The following ARAP1 variants were observed in gnomAD, a reference collection of about 807,000 sequenced individuals.
ARAP1 encodes ArfGAP with RhoGAP domain, ankyrin repeat and PH domain 1.
A neutral mutation model predicts 172.2 loss-of-function variants in ARAP1; 76 were observed. That is an observed-to-expected ratio of 0.44 (90% CI 0.37 to 0.53). ARAP1 has a LOEUF of 0.53. Ranked by LOEUF, ARAP1 falls within the 20% of genes least tolerant of loss-of-function variation. The pLI is 0.00. For synonymous variants in ARAP1, 804 were observed against 803.3 expected (o/e 1.00, Z -0.01); for missense variants, 1,686 against 1,977.5 (o/e 0.85, Z 2.80).
At chr11:72,709,123 AGC>A (rs1856898237) in intron 11 of ARAP1, among the ~76,000 whole-genome samples, 1 of 150,548 alleles carries the variant, frequency 6.6e-6, no homozygotes. Context: ...AAGAACAGGG[AGC>A]TGAAAAGGGG....
Position 72,726,316 on chromosome 11 carries a change from C to A in ARAP1, c.509+304G>T, listed in dbSNP as rs1257219275. 6.6e-6 allele frequency among the ~76,000 whole-genome samples: 1 copy of A among 152,150 alleles called. No homozygotes were observed. The highest frequency in any genetic ancestry group is 1.5e-5 in the Non-Finnish European group (1 of 68,014). On this transcript the variant is annotated intron_variant, in intron 3 of 34. Coordinates refer to ENST00000393609, the MANE Select transcript of ARAP1 (RefSeq NM_001040118.3). The surrounding 1 kb of genome is among the most constrained non-coding windows in gnomAD (Gnocchi z 6.5). Reference sequence around the variant, plus strand: ...GCTGAACTCGACTTCCTCCCAAAGTCACTTCTGTCCTTGGGTCTCTGGATC... The same window carrying A: ...GCTGAACTCGACTTCCTCCCAAAGTAACTTCTGTCCTTGGGTCTCTGGATC...
intron 31 of ARAP1, 123 bp downstream of exon 31, chr11:72,688,332 A>T (rs1464254500): frequency 1.3e-6 from 1 of 796,228 alleles, no homozygotes; most frequent in Non-Finnish European, 2.0e-6. Context: ...TGGTCTGGAG[A>T]CCACACCATC....
chr11:72,688,331 GACC>G lies in ARAP1; in HGVS notation c.4070+121_4070+123del, dbSNP rs1214139239. On this transcript the variant is annotated intron_variant, in intron 31 of 34. Transcript: ENST00000393609. Reference sequence around the variant, plus strand: ...GTCCAGGTGATGCTGCTGGTCTGGAGACCACACCATCAGAGCCCCTGCACCTAT... The same window carrying G: ...GTCCAGGTGATGCTGCTGGTCTGGAGACACCATCAGAGCCCCTGCACCTAT... The G allele has an allele frequency of 7.6e-6, 6 of 793,958 alleles. No homozygotes were observed. The Admixed American group carries it at 1.5e-4, about 19-fold the overall frequency. 49.2% of individuals were successfully genotyped at this position (793,958 alleles called of 1,614,324 possible). A position where few individuals can be genotyped will look rare whatever the true frequency, so the allele number is the denominator to read the frequency against.
At position 72,699,571 on chromosome 11, in the gene ARAP1, G is replaced by A; in HGVS notation, c.2303-19C>T. 6.2e-7 allele frequency: 1 copy of A among 1,606,710 alleles called. No individual in the cohort carries two copies. The highest frequency in any genetic ancestry group is 2.2e-5 in the East Asian group (1 of 44,488). On this transcript the variant is annotated intron_variant, in intron 16 of 34. Transcript: ENST00000393609. The surrounding 1 kb of genome is among the most constrained non-coding windows in gnomAD (Gnocchi z 4.2). ...CTGAACTCTGGGGAGAATTTGGGCA[G>A]GGGAGCCATCAGGGAGCCCCCCACC...
At chr11:72,716,124 G>C (rs1390809808) in intron 3 of ARAP1, among the ~76,000 whole-genome samples, 4 of 134,910 alleles carry the variant, frequency 3.0e-5, no homozygotes, top group African/African-American at 1.2e-4. Context: ...AGTGAGCCGA[G>C]ATCGCGCCAC....
intron 32 of ARAP1, 67 bp downstream of exon 32, chr11:72,687,621 C>T: frequency 6.2e-7 from 1 of 1,613,004 alleles, no homozygotes; most frequent in South Asian, 1.1e-5. Context: ...TGATGAGGGA[C>T]ACAATGAAGG....
At chr11:72,739,942 C>A (rs1459783762) in intron 1 of ARAP1, among the ~76,000 whole-genome samples, 1 of 152,200 alleles carries the variant, frequency 6.6e-6, no homozygotes, top group Non-Finnish European at 1.5e-5. Flanking sequence ...CTGGACCTCC[C>A]CTGGAATGCC....
chr11:72,707,517 G>A, intron 11 of ARAP1, 143 bp from the exon 12 acceptor site: 1 of 724,566 alleles, frequency 1.4e-6, no homozygotes, highest in Non-Finnish European at 2.2e-6. Flanking sequence ...TGGTAGGGAA[G>A]GTAGGTGTGG....
At chr11:72,688,905 A>G (rs372747217) in intron 30 of ARAP1, 15 of 212,698 alleles carry the variant, frequency 7.1e-5, no homozygotes, top group Admixed American at 2.2e-4. Flanking sequence ...GGAGAACTGT[A>G]CATCCTCCCC....
At position 72,712,340 on chromosome 11, in the gene ARAP1, C is replaced by A; in HGVS notation, c.879-1G>T. 6.5e-7 allele frequency: 1 copy of A among 1,548,738 alleles called. No homozygotes were observed. The highest frequency in any genetic ancestry group is 1.8e-4 in the Middle Eastern group (1 of 5,620). ...CAGGCTGCTGGTATGCCATCCGCCA[C>A]TAGCGAGAGATGAGGGGATGGGGGG... On this transcript the variant is annotated splice_acceptor_variant, in intron 6 of 34. Coordinates refer to ENST00000393609, the MANE Select transcript of ARAP1 (RefSeq NM_001040118.3). LOFTEE classifies it high-confidence loss of function.
chr11:72,710,559 C>G lies in ARAP1; in HGVS notation c.1242G>C (p.Leu414=). ...DVERKEWMQA[L]QQAMAEQRAR... ...CACGCTGCTCAGCCATGGCCTGCTGCAGGGCCTGCATCCACTCCTTCCGCT... is the reference window on the plus strand; with the variant it reads ...CACGCTGCTCAGCCATGGCCTGCTGGAGGGCCTGCATCCACTCCTTCCGCT... The change falls in exon 10 of 35, where the codon CTG becomes CTC. Residue 414 remains leucine (L), a synonymous_variant. Transcript: ENST00000393609. This position sits in a 1 kb window ranked among gnomAD's most constrained non-coding sequence, Gnocchi z 4.3. 6.2e-7 allele frequency: 1 copy of G among 1,609,954 alleles called. No individual in the cohort carries two copies.
At position 72,697,393 on chromosome 11, in the gene ARAP1, C is replaced by T. The variant is rs542698728; in HGVS notation, c.2883G>A (p.Ser961=). 1.2e-5 allele frequency: 20 copies of T among 1,611,096 alleles called. No individual in the cohort carries two copies. Among genetic ancestry groups the T allele is most frequent in the Non-Finnish European group, 1.6e-5 (19 of 1,178,988 alleles). The part of the protein sequence containing the change: ...KAAASMGDTL[S]EQQLGDSDIP... ...TATCCGAGTCCCCAAGCTGCTGCTC[C>T]GACAGCGTGTCCCCCATGCTGGCGG... is the stretch of plus-strand genomic sequence containing the variant. The change falls in exon 21 of 35, where the codon TCG becomes TCA. Residue 961 remains serine (S), a synonymous_variant. Coordinates refer to ENST00000393609, the MANE Select transcript of ARAP1 (RefSeq NM_001040118.3).
At chr11:72,686,909 A>ACCTACAAG (rs1250428731) in intron 33 of ARAP1, among the ~76,000 whole-genome samples, 2 of 152,156 alleles carry the variant, frequency 1.3e-5, no homozygotes, top group East Asian at 3.9e-4. Flanking sequence ...CCCTGGCGTG[A>ACCTACAAG]CCTACAAGCC....
intron 1 of ARAP1, among the ~76,000 whole-genome samples, chr11:72,748,193 C>T (rs1269450209): frequency 6.6e-6 from 1 of 152,180 alleles, no homozygotes; most frequent in Non-Finnish European, 1.5e-5. Context: ...TTCCAAGAAA[C>T]AATAGCTACT....
intron 3 of ARAP1, among the ~76,000 whole-genome samples, chr11:72,721,302 A>ACAG (rs1479025859): frequency 6.6e-6 from 1 of 152,174 alleles, no homozygotes; most frequent in African/African-American, 2.4e-5. Context: ...AGCACCCACC[A>ACAG]CAGCACCAGT....
rs1475232281 is a variant in ARAP1, at chr11:72,704,244, T to C, written c.1900A>G (p.Ser634Gly). 1 of 1,613,632 alleles carries C rather than the reference T, an allele frequency of 6.2e-7. No individual in the cohort carries two copies. The highest frequency in any genetic ancestry group is 8.5e-7 in the Non-Finnish European group (1 of 1,179,858). Residue 634 changes from serine (S) to glycine (G), a missense_variant, in exon 14 of 35, where the codon AGC (serine) becomes GGC (glycine). Around this residue, in one of 5 missense-constraint regions of ARAP1, gnomAD observed 688 missense variants for 856.9 expected, o/e 0.80. Coordinates refer to ENST00000393609, the MANE Select transcript of ARAP1 (RefSeq NM_001040118.3). ...SEALQPSSSP[S>G]TRRCHLEAKY... ...GCCTCCAGGTGGCACCGCCGGGTGCTGGGGCTGCTGCTGGGCTGCAGGGCC... is the reference window on the plus strand; with the variant it reads ...GCCTCCAGGTGGCACCGCCGGGTGCCGGGGCTGCTGCTGGGCTGCAGGGCC...
chr11:72,711,234 C>T, intron 8 of ARAP1, 93 bp from the exon 9 acceptor site: 1 of 1,560,204 alleles, frequency 6.4e-7, no homozygotes, highest in East Asian at 2.3e-5. Context: ...CTGTCTCCTG[C>T]AGCTGGTTAG....
At position 72,695,931 on chromosome 11, in the gene ARAP1, A is replaced by G. The variant is rs564312202; in HGVS notation, c.3273-66T>C. Reference sequence around the variant, plus strand: ...CCAGAGCTTCCCATCTCACCCTATTAATTTCTGACAGGTCCAAGACTGGTC... The same window carrying G: ...CCAGAGCTTCCCATCTCACCCTATTGATTTCTGACAGGTCCAAGACTGGTC... On this transcript the variant is annotated intron_variant, in intron 23 of 34. Transcript: ENST00000393609. This position sits in a 1 kb window ranked among gnomAD's most constrained non-coding sequence, Gnocchi z 4.4. 368 of 1,536,156 alleles carry G rather than the reference A, an allele frequency of 2.4e-4. 2 individuals carry two copies. In the South Asian group the frequency reaches 4.4e-3, roughly 18 times the overall value.
chr11:72,685,736 G>A (rs925746449), intron 34 of ARAP1, 55 bp from the exon 35 acceptor site: 22 of 1,610,176 alleles, frequency 1.4e-5, no homozygotes, highest in South Asian at 4.4e-5. Flanking sequence ...AGGGGCTGGC[G>A]CCCCGCTGAA....
Sources: gnomAD v4.1 joint callset for allele counts (sites outside exome capture counted in the v4.1 genomes callset) on GRCh38, gnomAD v4.1.1 for gene constraint, gnomAD v4.1.1 regional missense constraint, Gnocchi (gnomAD v3.1) non-coding constraint, MANE v1.5 for transcripts, NCBI Gene and HGNC (gene_info 2026-07-23, HGNC 2026-07-21) for gene names.